ABCB1: variants seen among roughly 807,000 people sequenced by gnomAD.
ABCB1 encodes the protein ATP binding cassette subfamily B member 1.
ABCB1 carries 69 observed loss-of-function variants against 142.0 expected under a neutral mutation model. The observed-to-expected ratio is 0.49, with a 90% CI of 0.40 to 0.59. The LOEUF (loss-of-function observed/expected upper bound fraction) is 0.59, where lower values mean the gene tolerates loss of function less well. Among genes scored for constraint, ABCB1 ranks in the 20% least tolerant of loss-of-function variants. ABCB1 has a pLI of 0.00. For missense variants in ABCB1, 1,326 were observed against 1,554.7 expected, an observed-to-expected ratio of 0.85 and a Z score of 2.47; for synonymous variants, 532 against 539.2, an observed-to-expected ratio of 0.99 and a Z score of 0.18.
intron 22 of ABCB1, among the ~76,000 whole-genome samples, chr7:87,519,739 G>A (rs1357333660): frequency 1.3e-5 from 2 of 152,170 alleles, no homozygotes; most frequent in African/African-American, 4.8e-5. Context: ...TGACTGTAAA[G>A]AGCCGGTTAG....
chr7:87,650,446 G>A (rs1042676963), intron 1 of ABCB1, among the ~76,000 whole-genome samples: 20 of 152,238 alleles, frequency 1.3e-4, no homozygotes, highest in African/African-American at 4.6e-4. Flanking sequence ...CATGGCAGAA[G>A]AGGCAAACAA....
chr7:87,703,980 G>C (rs2130713321), intron 1 of ABCB1, among the ~76,000 whole-genome samples: 1 of 112,846 alleles, frequency 8.9e-6, no homozygotes, highest in East Asian at 3.0e-4. Flanking sequence ...GAGTGCAAAG[G>C]TACGATCTCA....
chr7:87,574,910 T>C (rs957901601), intron 4 of ABCB1, among the ~76,000 whole-genome samples: 2 of 152,186 alleles, frequency 1.3e-5, no homozygotes, highest in Admixed American at 6.5e-5. Flanking sequence ...TCTTTATATA[T>C]CCAGTGCCCA....
At chr7:87,710,563 CT>C in intron 1 of ABCB1, 1 of 1,514,880 alleles carries the variant, frequency 6.6e-7, no homozygotes, top group East Asian at 2.3e-5. Context: ...TTTCTTCTTC[CT>C]TTTAGGGTAG....
intron 20 of ABCB1, among the ~76,000 whole-genome samples, chr7:87,535,743 C>T (rs1816261087): frequency 6.6e-6 from 1 of 152,052 alleles, no homozygotes; most frequent in Non-Finnish European, 1.5e-5. Flanking sequence ...TAGTATAGTA[C>T]TAACTTACAG....
intron 23 of ABCB1, 65 bp from the exon 24 acceptor site, chr7:87,516,730 CCTT>C (rs1815266728): frequency 5.5e-6 from 6 of 1,087,474 alleles, no homozygotes; most frequent in Non-Finnish European, 7.3e-6. Flanking sequence ...AGCTGACACT[CCTT>C]TTTTTTTTTT....
At chr7:87,637,167 G>T (rs1162532106) in intron 1 of ABCB1, among the ~76,000 whole-genome samples, 1 of 152,088 alleles carries the variant, frequency 6.6e-6, no homozygotes, top group Non-Finnish European at 1.5e-5. Flanking sequence ...TTTGGGTGGG[G>T]ACACAGCCAA....
upstream of ABCB1, among the ~76,000 whole-genome samples, chr7:87,605,284 C>G (rs1819608939): frequency 6.6e-6 from 1 of 152,118 alleles, no homozygotes; most frequent in African/African-American, 2.4e-5. Flanking sequence ...TGGGAGTGCA[C>G]CAGCACACCA....
rs71117547 is a variant in ABCB1 at position 87,639,153 on chromosome 7, CA to C, written c.-330-38076del. 2.1e-3 allele frequency among the ~76,000 whole-genome samples: 187 copies of C among 87,714 alleles called. 1 individual carries two copies. Among genetic ancestry groups the C allele is most frequent in the African/African-American group, 5.3e-3 (114 of 21,374 alleles). 57.5% of individuals were successfully genotyped at this position (87,714 alleles called of 152,430 possible). On this transcript the variant is annotated intron_variant, in intron 1 of 28. Transcript: ENST00000265724. ...TGGGCGACAGAGTGAGACTCCGTCT[CA>C]AAAAAAAAAAAAAAAAAAAAAATCT... is the stretch of plus-strand genomic sequence containing the variant.
At chr7:87,600,424 C>T (rs558671580) in intron 1 of ABCB1, among the ~76,000 whole-genome samples, 5 of 152,206 alleles carry the variant, frequency 3.3e-5, no homozygotes, top group Non-Finnish European at 5.9e-5. Context: ...GGACTTTGCC[C>T]GCCGCCAGTG....
At position 87,550,251 on chromosome 7, in the gene ABCB1, C is replaced by T. The variant is rs913766377; in HGVS notation, c.1270G>A (p.Ala424Thr). Residue 424 changes from alanine (A) to threonine (T), a missense_variant, in exon 12 of 28, where the codon GCC becomes ACC. Ala to Thr is a moderately conservative substitution (Grantham distance 58). Transcript: ENST00000622132. ...NLKVQSGQTVALVGNSGCGKS... is the reference protein window; with the variant it reads ...NLKVQSGQTVTLVGNSGCGKS... ...CCACAGCCACTGTTTCCAACCAGGGCCACCGTCTGCCCACTCTGCACCTTC... is the reference window on the plus strand; with the variant it reads ...CCACAGCCACTGTTTCCAACCAGGGTCACCGTCTGCCCACTCTGCACCTTC... 3.1e-6 allele frequency: 5 copies of T among 1,614,070 alleles called. No homozygotes were observed. Among genetic ancestry groups the T allele is most frequent in the Non-Finnish European group, 4.2e-6 (5 of 1,180,048 alleles).
At chr7:87,665,301 C>G (rs1825115108) in intron 1 of ABCB1, among the ~76,000 whole-genome samples, 2 of 151,950 alleles carry the variant, frequency 1.3e-5, no homozygotes, top group South Asian at 4.2e-4. Context: ...TAAAAATGAA[C>G]TATCCAAAAA....
chr7:87,709,327 C>T, intron 1 of ABCB1: 1 of 985,290 alleles, frequency 1.0e-6, no homozygotes, highest in Non-Finnish European at 1.2e-6. Context: ...GACACCGCTA[C>T]TAGTTTCTGT....
intron 3 of ABCB1, among the ~76,000 whole-genome samples, chr7:87,590,580 C>G (rs761033839): frequency 3.3e-5 from 5 of 152,128 alleles, no homozygotes; most frequent in Non-Finnish European, 4.4e-5. Flanking sequence ...GATCTGGGGA[C>G]AGTGCATTCC....
At chr7:87,650,837 C>A (rs761102876) in intron 1 of ABCB1, 5 of 1,605,586 alleles carry the variant, frequency 3.1e-6, no homozygotes, top group Non-Finnish European at 4.3e-6. Flanking sequence ...CTGTGAAGAC[C>A]CTGATTGATC....
At chr7:87,685,579 A>G (rs543985901) in intron 1 of ABCB1, among the ~76,000 whole-genome samples, 7 of 152,314 alleles carry the variant, frequency 4.6e-5, no homozygotes, top group African/African-American at 1.7e-4. Flanking sequence ...AAGAAGCAAA[A>G]CCCTAAAGAT....
chr7:87,561,369 C>G lies in ABCB1; in HGVS notation c.721G>C (p.Asp241His). Residue 241 changes from aspartate to histidine, a missense_variant, in exon 8 of 28, where the codon GAT (aspartate) becomes CAT (histidine). By Grantham distance (81) the Asp-to-His change is moderately conservative. Coordinates refer to ENST00000622132, the MANE Select transcript of ABCB1 (RefSeq NM_001348946.2). ...TTTGCATACGCTAAGAGTTCTTTAT[C>G]AGTAAATGAAGATAGTATCTGTTTA... Reference protein sequence around the residue: ...VWAKILSSFTDKELLAYAKAG... With the variant: ...VWAKILSSFTHKELLAYAKAG... 1 of 1,613,112 alleles carries G rather than the reference C, an allele frequency of 6.2e-7. No individual in the cohort carries two copies. Among genetic ancestry groups the G allele is most frequent in the Non-Finnish European group, 8.5e-7 (1 of 1,179,382 alleles).
intron 13 of ABCB1, 150 bp downstream of exon 13, chr7:87,549,701 C>T: frequency 7.7e-7 from 1 of 1,299,816 alleles, no homozygotes. Flanking sequence ...CCAGTTGATA[C>T]TGCTAGAGCT....
At chr7:87,678,995 C>T (rs533420368) in intron 1 of ABCB1, among the ~76,000 whole-genome samples, 106 of 151,160 alleles carry the variant, frequency 7.0e-4, no homozygotes, top group Non-Finnish European at 1.3e-3. Flanking sequence ...ACACTCCTCT[C>T]ATAATAGTAG....
Sources: gnomAD v4.1 joint callset for allele counts (sites outside exome capture counted in the v4.1 genomes callset) on GRCh38, gnomAD v4.1.1 for gene constraint, MANE v1.5 for transcripts, NCBI Gene and HGNC (gene_info 2026-07-23, HGNC 2026-07-21) for gene names.